ABCF3: variants seen among roughly 807,000 people sequenced by gnomAD.
The protein encoded by ABCF3 is ATP binding cassette subfamily F member 3.
Under a neutral mutation model 94.3 loss-of-function variants are expected in ABCF3, and 62 were observed. The ratio of observed to expected loss-of-function variants is 0.66; its 90% CI spans 0.54 to 0.81. The LOEUF is 0.81. Ranked by LOEUF, ABCF3 falls within the 40% of genes least tolerant of loss-of-function variation. ABCF3 has a pLI of 0.00. For synonymous variants in ABCF3, 355 were observed against 361.1 expected (o/e 0.98, Z 0.19); for missense variants, 843 against 925.3 (o/e 0.91, Z 1.15).
intron 14 of ABCF3, 170 bp downstream of exon 14, chr3:184,190,101 TC>T: frequency 1.5e-6 from 1 of 676,764 alleles, no homozygotes; most frequent in Non-Finnish European, 2.5e-6. Flanking sequence ...GGAGGGCTAA[TC>T]TTGACTAGCA....
chr3:184,192,632 T>C lies in ABCF3; in HGVS notation c.1601T>C (p.Met534Thr). 6 of 1,611,132 alleles carry C rather than the reference T, an allele frequency of 3.7e-6. No individual in the cohort carries two copies. The highest frequency in any genetic ancestry group is 5.1e-6 in the Non-Finnish European group (6 of 1,179,392). The change falls in exon 17 of 21, where the codon ATG (methionine) becomes ACG (threonine). Residue 534 changes from methionine (M) to threonine (T), a missense_variant. Physicochemically the swap from Met to Thr is moderately conservative, Grantham distance 81 (BLOSUM62 -1). Transcript: ENST00000429586. ...VGENGAGKST[M>T]LKLLLGDLAP... ...GAGAATGGGGCTGGGAAGTCTACCATGCTGAAGCTGCTTTTGGGGGACCTG... is the reference window on the plus strand; with the variant it reads ...GAGAATGGGGCTGGGAAGTCTACCACGCTGAAGCTGCTTTTGGGGGACCTG...
Position 184,186,496 on chromosome 3 carries a change from G to T in ABCF3, c.74-11G>T, listed in dbSNP as rs1560131566. On this transcript the variant is annotated splice_polypyrimidine_tract_variant and intron_variant, in intron 1 of 20. Transcript: ENST00000429586. ...CCCGATACCTTCCTCGTTCTACCAC[G>T]CCCTGCCCAGGCGTCTTGCACAGCG... 6.2e-7 allele frequency: 1 copy of T among 1,605,438 alleles called. No homozygotes were observed.
At chr3:184,190,001 C>G in intron 14 of ABCF3, 70 bp downstream of exon 14, 2 of 1,522,968 alleles carry the variant, frequency 1.3e-6, no homozygotes, top group Non-Finnish European at 1.8e-6. Context: ...TGCACGCCAC[C>G]CTTGCCCTAC....
At chr3:184,187,529 C>A in intron 4 of ABCF3, 86 bp downstream of exon 4, 4 of 1,543,874 alleles carry the variant, frequency 2.6e-6, no homozygotes, top group Non-Finnish European at 3.6e-6. Flanking sequence ...GGGGGGATTT[C>A]TGACTATGTC....
In ABCF3 at chr3:184,192,703, G is replaced by T. The variant is rs751751108; in HGVS notation, c.1658+14G>T. 5.0e-6 allele frequency: 8 copies of T among 1,609,084 alleles called. No homozygotes were observed. The South Asian group carries it at 6.6e-5, about 13-fold the overall frequency. ...ACACGCTCACAGGTCAGGCCCACCC[G>T]CACCCCTGCCCCCATGAGCACATTT... is the stretch of plus-strand genomic sequence containing the variant. On this transcript the variant is annotated intron_variant, in intron 17 of 20. Coordinates refer to ENST00000429586, the MANE Select transcript of ABCF3 (RefSeq NM_018358.3).
At position 184,189,946 on chromosome 3, in the gene ABCF3, C is replaced by T. The variant is rs770771095; in HGVS notation, c.1391+15C>T. On this transcript the variant is annotated intron_variant, in intron 14 of 20. Transcript: ENST00000429586. ...CTGGAGAAGCTGTGAGTACAGCATC[C>T]TTGGCCAGGGCCTGACTCCTGTTCT... 15 of 1,613,558 alleles carry T rather than the reference C, an allele frequency of 9.3e-6. No homozygotes were observed. The highest frequency in any genetic ancestry group is 1.3e-5 in the Non-Finnish European group (15 of 1,179,584).
In ABCF3 at chr3:184,186,797, G is replaced by T. The variant is rs1010857764; in HGVS notation, c.223G>T (p.Ala75Ser). The change falls in exon 3 of 21, where the codon GCT (alanine) becomes TCT (serine). Residue 75 changes from alanine to serine, a missense_variant and splice_region_variant. Coordinates refer to ENST00000429586, the MANE Select transcript of ABCF3 (RefSeq NM_018358.3). ...CQRMYNTLRL[A>S]EPQSQGNSQV... ...CGCTTTCTATCCCTACCCACATAGG[G>T]CTGAGCCACAAAGCCAGGGAAATAG... is the stretch of plus-strand genomic sequence containing the variant. 6.2e-7 allele frequency: 1 copy of T among 1,613,668 alleles called. No individual in the cohort carries two copies. The highest frequency in any genetic ancestry group is 8.5e-7 in the Non-Finnish European group (1 of 1,179,806).
Position 184,193,870 on chromosome 3 carries a change from T to A in ABCF3, c.*172T>A. ...TCTTCTGCACAACCTTGGGAGCCCA[T>A]CCAAGGGTTGGTGAGGACTGGTCTC... On this transcript the variant is annotated 3_prime_UTR_variant, in exon 21 of 21. Coordinates refer to ENST00000429586, the MANE Select transcript of ABCF3 (RefSeq NM_018358.3). The surrounding 1 kb of genome is among the most constrained non-coding windows in gnomAD (Gnocchi z 5.2). 1.1e-6 allele frequency: 1 copy of A among 890,322 alleles called. No homozygotes were observed. Among genetic ancestry groups the A allele is most frequent in the Non-Finnish European group, 1.6e-6 (1 of 609,568 alleles). The allele number at this position is 890,322 out of a possible 1,614,324, so 55.2% of individuals were successfully genotyped here.
In ABCF3 at chr3:184,189,797, T is replaced by C. The variant is rs534309435; in HGVS notation, c.1314+40T>C. 2.2e-5 allele frequency: 35 copies of C among 1,613,892 alleles called. 2 individuals carry two copies. In the South Asian group the frequency reaches 3.7e-4, roughly 17 times the overall value. On this transcript the variant is annotated intron_variant, in intron 13 of 20. Transcript: ENST00000429586. ...AGGGCTGGGGGTCCCATCCCAGGGGTTCCAGAGTGGGGGATAGTGGGGGAA... is the reference window on the plus strand; with the variant it reads ...AGGGCTGGGGGTCCCATCCCAGGGGCTCCAGAGTGGGGGATAGTGGGGGAA...
chr3:184,192,452 C>A, intron 16 of ABCF3, 149 bp from the exon 17 acceptor site: 1 of 756,284 alleles, frequency 1.3e-6, no homozygotes, highest in Non-Finnish European at 2.1e-6. Context: ...AATTCCCCTC[C>A]TCCCCCCTTA....
Position 184,191,063 on chromosome 3 carries a change from G to A in ABCF3, c.1436+20G>A. 2 of 1,614,204 alleles carry A rather than the reference G, an allele frequency of 1.2e-6. No homozygotes were observed. The highest frequency in any genetic ancestry group is 1.7e-6 in the Non-Finnish European group (2 of 1,180,036). ...AATGAAGTAAGTGCTGGGCCAGTGG[G>A]GCTGGTGGGGAATTGCTTGCTTCCA... On this transcript the variant is annotated intron_variant, in intron 15 of 20. Coordinates refer to ENST00000429586, the MANE Select transcript of ABCF3 (RefSeq NM_018358.3).
Position 184,187,986 on chromosome 3 carries a change from G to C in ABCF3, c.569+3G>C. On this transcript the variant is annotated splice_donor_region_variant and intron_variant, in intron 6 of 20. Transcript: ENST00000429586. ...TTTGATGTGTCTTTTGGCGATAGGT[G>C]AGGGAATAGTGGTGGCAGGGGTTGG... 6.2e-7 allele frequency: 1 copy of C among 1,613,944 alleles called. No homozygotes were observed. The highest frequency in any genetic ancestry group is 8.5e-7 in the Non-Finnish European group (1 of 1,180,038).
chr3:184,188,175 T>C lies in ABCF3; in HGVS notation c.604T>C (p.Trp202Arg). 1.9e-6 allele frequency: 3 copies of C among 1,613,978 alleles called. No individual in the cohort carries two copies. The highest frequency in any genetic ancestry group is 1.7e-6 in the Non-Finnish European group (2 of 1,180,010). Residue 202 changes from tryptophan (W) to arginine (R), a missense_variant, in exon 7 of 21, where the codon TGG (tryptophan) becomes CGG (arginine). By Grantham distance (101) the Trp-to-Arg change is moderately radical. Transcript: ENST00000429586. The stretch of plus-strand genomic sequence containing the variant: ...GGCTGGAGCGGATGTGAACCTGGCA[T>C]GGGGCCGCCGTTACGGGCTGGTGGG... ...LLAGADVNLA[W>R]GRRYGLVGRN...
rs1203509130 is a variant in ABCF3 at position 184,186,225 on chromosome 3, A to C, written c.18A>C (p.Glu6Asp). Residue 6 changes from glutamate to aspartate, a missense_variant, in exon 1 of 21, where the codon GAA (glutamate) becomes GAC (aspartate). By Grantham distance (45) the Glu-to-Asp change is conservative (BLOSUM62 2). Coordinates refer to ENST00000429586, the MANE Select transcript of ABCF3 (RefSeq NM_018358.3). MATCA[E>D]ILRSEFPEID... ...AGTGGAACATGGCGACTTGCGCCGA[A>C]ATCCTGCGGAGCGAGTTCCCCGAAA... 3 of 1,614,046 alleles carry C rather than the reference A, an allele frequency of 1.9e-6. No individual in the cohort carries two copies.
At position 184,193,769 on chromosome 3, in the gene ABCF3, C is replaced by T; in HGVS notation, c.*71C>T. The T allele has an allele frequency of 6.8e-7, 1 of 1,461,476 alleles. No individual in the cohort carries two copies. The highest frequency in any genetic ancestry group is 9.1e-7 in the Non-Finnish European group (1 of 1,098,280). 90.5% of individuals were successfully genotyped at this position (1,461,476 alleles called of 1,614,324 possible). ...GACCCCTGGGCCACCATGTAGGCCA[C>T]CACTCCAGGCCGTGGACTTCCCCCA... is the stretch of plus-strand genomic sequence containing the variant. On this transcript the variant is annotated 3_prime_UTR_variant, in exon 21 of 21. Transcript: ENST00000429586. The surrounding 1 kb of genome is among the most constrained non-coding windows in gnomAD (Gnocchi z 5.2).
chr3:184,190,371 A>G (rs113164535), intron 14 of ABCF3: 4,837 of 196,202 alleles, frequency 0.025, 77 homozygotes, highest in Middle Eastern at 0.056. Flanking sequence ...CATTTTGGTT[A>G]TTATGAATAA....
intron 3 of ABCF3, 33 bp downstream of exon 3, chr3:184,186,908 C>T (rs1560132061): frequency 6.3e-7 from 1 of 1,598,982 alleles, no homozygotes; most frequent in East Asian, 2.2e-5. Context: ...CTAACTGCCC[C>T]CCTGTGCTTT....
Position 184,188,827 on chromosome 3 carries a change from C to A in ABCF3, c.903C>A (p.Asp301Glu), listed in dbSNP as rs747832907. 6.2e-7 allele frequency: 1 copy of A among 1,613,986 alleles called. No individual in the cohort carries two copies. The highest frequency in any genetic ancestry group is 2.2e-5 in the East Asian group (1 of 44,874). Residue 301 changes from aspartate to glutamate, a missense_variant, in exon 8 of 21, where the codon GAC (aspartate) becomes GAA (glutamate). Transcript: ENST00000429586. ...IYAKLEEIEA[D>E]KAPARASVIL... ...CCAAACTGGAGGAGATTGAGGCTGACAAGGCACCTGCCAGGTATTTAAAGC... is the reference window on the plus strand; with the variant it reads ...CCAAACTGGAGGAGATTGAGGCTGAAAAGGCACCTGCCAGGTATTTAAAGC...
intron 4 of ABCF3, 78 bp downstream of exon 4, chr3:184,187,521 G>C (rs35315125): frequency 0.019 from 29,632 of 1,552,314 alleles, 365 homozygotes; most frequent in Non-Finnish European, 0.022. Flanking sequence ...TATCTTTTGG[G>C]GGGATTTCTG....
Sources: gnomAD v4.1 joint callset for allele counts on GRCh38, gnomAD v4.1.1 for gene constraint, Gnocchi (gnomAD v3.1) non-coding constraint, MANE v1.5 for transcripts, NCBI Gene and HGNC (gene_info 2026-07-23, HGNC 2026-07-21) for gene names.